The following DGKB variants were observed in gnomAD, a reference collection of about 807,000 sequenced individuals.
DGKB encodes 90 kDa diacylglycerol kinase.
DGKB carries 67 observed loss-of-function variants against 114.3 expected under a neutral mutation model. The ratio of observed to expected loss-of-function variants is 0.59; its 90% CI spans 0.48 to 0.72. The LOEUF (loss-of-function observed/expected upper bound fraction) is 0.72, where lower values mean the gene tolerates loss of function less well. Among genes scored for constraint, DGKB ranks in the 30% least tolerant of loss-of-function variants. The pLI is 0.00. For missense variants in DGKB, 907 were observed against 975.2 expected (o/e 0.93, Z 0.93); for synonymous variants, 398 against 323.1 (o/e 1.23, Z -2.49).
intron 16 of DGKB, among the ~76,000 whole-genome samples, chr7:14,611,707 A>C (rs903704317): frequency 2.8e-4 from 42 of 151,736 alleles, no homozygotes; most frequent in African/African-American, 1.0e-3. Context: ...CTATATATAT[A>C]TATATGTATA....
At chr7:14,785,439 GTATGTATATACATGTA>G (rs1316190915) in intron 2 of DGKB, among the ~76,000 whole-genome samples, 1 of 151,936 alleles carries the variant, frequency 6.6e-6, no homozygotes, top group East Asian at 1.9e-4. Flanking sequence ...ATGTATACAT[GTATGTATATACATGTA>G]TATGTATATA....
At chr7:14,506,542 A>T (rs934141047) in intron 20 of DGKB, among the ~76,000 whole-genome samples, 1 of 152,152 alleles carries the variant, frequency 6.6e-6, no homozygotes, top group African/African-American at 2.4e-5. Flanking sequence ...ATCTCTCTTG[A>T]TTTGATAAGC....
intron 2 of DGKB, among the ~76,000 whole-genome samples, chr7:14,760,320 C>G (rs1397971070): frequency 6.6e-6 from 1 of 152,052 alleles, no homozygotes; most frequent in Non-Finnish European, 1.5e-5. Context: ...CAACTTTCAA[C>G]TTCATCACAA....
chr7:14,806,079 T>C (rs915517163), intron 2 of DGKB, among the ~76,000 whole-genome samples: 11 of 151,944 alleles, frequency 7.2e-5, no homozygotes, highest in African/African-American at 2.6e-4. Flanking sequence ...TTTTCTTTTA[T>C]AAATTTACAT....
intron 23 of DGKB, among the ~76,000 whole-genome samples, chr7:14,333,453 T>TC (rs1033049573): frequency 2.6e-5 from 3 of 117,072 alleles, no homozygotes; most frequent in Non-Finnish European, 5.1e-5. Context: ...AGAGTGAGAC[T>TC]CCGTCTTAAA....
rs1277863969 is a variant in DGKB, at chr7:14,478,151, G to T, written c.1835+10C>A. The T allele has an allele frequency of 6.3e-7, 1 of 1,579,738 alleles. No homozygotes were observed. Reference sequence around the variant, plus strand: ...CTATATCTATAATTTCATCTCTTTTGTCACCTTACCTACTGTTGAATTTCT... The same window carrying T: ...CTATATCTATAATTTCATCTCTTTTTTCACCTTACCTACTGTTGAATTTCT... On this transcript the variant is annotated intron_variant, in intron 21 of 25. Coordinates refer to ENST00000402815, the MANE Select transcript of DGKB (RefSeq NM_001350709.2).
chr7:14,332,893 C>A (rs1809976053), intron 23 of DGKB, among the ~76,000 whole-genome samples: 1 of 152,030 alleles, frequency 6.6e-6, no homozygotes, highest in East Asian at 1.9e-4. Context: ...GGTACCTGGA[C>A]AGTTGTATCC....
intron 20 of DGKB, among the ~76,000 whole-genome samples, chr7:14,499,316 A>G (rs570585805): frequency 6.5e-4 from 99 of 151,854 alleles, no homozygotes; most frequent in African/African-American, 2.4e-3. Context: ...CTGAGACTTA[A>G]CAACTTTGGC....
intron 2 of DGKB, among the ~76,000 whole-genome samples, chr7:14,788,891 C>T (rs572449380): frequency 1.3e-5 from 2 of 152,154 alleles, no homozygotes; most frequent in South Asian, 2.1e-4. Context: ...TTAAAAAAAC[C>T]GTATGCCCAG....
intron 17 of DGKB, among the ~76,000 whole-genome samples, chr7:14,587,018 A>C (rs537189472): frequency 9.9e-5 from 15 of 152,276 alleles, no homozygotes; most frequent in Admixed American, 2.6e-4. Flanking sequence ...TCAACTTTCA[A>C]GTCTTATTTA....
chr7:14,784,949 G>T (rs544767883), intron 2 of DGKB, among the ~76,000 whole-genome samples: 1 of 151,668 alleles, frequency 6.6e-6, no homozygotes, highest in South Asian at 2.1e-4. Flanking sequence ...CCACACTACT[G>T]GTCTCTCATT....
intron 21 of DGKB, among the ~76,000 whole-genome samples, chr7:14,345,624 T>A (rs1325395173): frequency 6.6e-6 from 1 of 151,688 alleles, no homozygotes; most frequent in African/African-American, 2.4e-5. Context: ...AGTACACCTT[T>A]AGTTTTTTGT....
chr7:14,883,859 TA>T (rs1039042711), intron 1 of DGKB, among the ~76,000 whole-genome samples: 15 of 152,008 alleles, frequency 9.9e-5, no homozygotes, highest in African/African-American at 3.6e-4. Context: ...ATCCCTGTTC[TA>T]AACCCAATGA....
chr7:14,775,460 G>C (rs1176643790), intron 2 of DGKB, among the ~76,000 whole-genome samples: 2 of 149,218 alleles, frequency 1.3e-5, no homozygotes, highest in African/African-American at 2.5e-5. Flanking sequence ...TTTTGCCATT[G>C]AAAGTGAAGG....
chr7:14,244,693 A>AAT (rs1176622557), intron 23 of DGKB, among the ~76,000 whole-genome samples: 1 of 138,186 alleles, frequency 7.2e-6, no homozygotes, highest in African/African-American at 2.6e-5. Context: ...AAAAAAAAAA[A>AAT]GGGGTGCCTT....
chr7:14,200,728 A>T lies in DGKB; in HGVS notation c.2123-22577T>A, dbSNP rs183882695. 3.9e-5 allele frequency among the ~76,000 whole-genome samples: 6 copies of T among 152,124 alleles called. No individual in the cohort carries two copies. The East Asian group carries it at 1.2e-3, about 30-fold the overall frequency. ...ACTGAGATAGATGTAAAAAGCTATT[A>T]GTCTCCTTAAGAGCACTAACATGTA... is the stretch of plus-strand genomic sequence containing the variant. On this transcript the variant is annotated intron_variant, in intron 23 of 25. Transcript: ENST00000402815.
chr7:14,660,190 TTC>T (rs1816742540), intron 13 of DGKB, among the ~76,000 whole-genome samples: 1 of 151,818 alleles, frequency 6.6e-6, no homozygotes, highest in Admixed American at 6.6e-5. Context: ...TGGTCTAAAA[TTC>T]TCTTTTTTGG....
At chr7:14,535,882 G>C (rs1045417602) in intron 20 of DGKB, among the ~76,000 whole-genome samples, 1 of 151,982 alleles carries the variant, frequency 6.6e-6, no homozygotes, top group Non-Finnish European at 1.5e-5. Flanking sequence ...ACTGCACCTG[G>C]CCTGTTTTTT....
Position 14,170,232 on chromosome 7 carries a change from G to C in DGKB, c.2304+6607C>G, listed in dbSNP as rs574266088. On this transcript the variant is annotated intron_variant, in intron 25 of 25. Transcript: ENST00000402815. ...CATTAAGCCTCTGAAGAGTGACTGA[G>C]TGAGGCAGCAAAGCATCATAATTAA... 6.6e-5 allele frequency among the ~76,000 whole-genome samples: 10 copies of C among 151,882 alleles called. No homozygotes were observed. The South Asian group carries it at 2.1e-3, about 32-fold the overall frequency.
Sources: gnomAD v4.1 joint callset for allele counts (sites outside exome capture counted in the v4.1 genomes callset) on GRCh38, gnomAD v4.1.1 for gene constraint, MANE v1.5 for transcripts, NCBI Gene and HGNC (gene_info 2026-07-23, HGNC 2026-07-21) for gene names.